MICU2: variants seen among roughly 807,000 people sequenced by gnomAD.
MICU2 encodes the protein calcium uptake protein 2, mitochondrial.
A neutral mutation model predicts 60.4 loss-of-function variants in MICU2; 64 were observed. That is an observed-to-expected ratio of 1.06 (90% CI 0.87 to 1.31). The LOEUF (loss-of-function observed/expected upper bound fraction) is 1.31, where lower values mean the gene tolerates loss of function less well. Among genes scored for constraint, MICU2 ranks in the 50% most tolerant of loss-of-function variants. MICU2 has a pLI of 0.00. For missense variants in MICU2, 569 were observed against 531.0 expected, an observed-to-expected ratio of 1.07 and a Z score of -0.70; for synonymous variants, 201 against 175.0, an observed-to-expected ratio of 1.15 and a Z score of -1.17.
Position 21,554,706 on chromosome 13 carries a change from A to G in MICU2, c.358+12091T>C, listed in dbSNP as rs144328070. ...AACTGAAGGAAATAGAGATACAAAA[A>G]ATCCTTCAAAAAAATCAATGAATCC... On this transcript the variant is annotated intron_variant, in intron 2 of 11. Transcript: ENST00000382374. 2.0e-3 allele frequency among the ~76,000 whole-genome samples: 302 copies of G among 152,360 alleles called. 8 individuals carry two copies. In the East Asian group the frequency reaches 0.055, roughly 28 times the overall value.
chr13:21,583,317 A>G (rs929400075), intron 1 of MICU2, among the ~76,000 whole-genome samples: 2 of 152,226 alleles, frequency 1.3e-5, no homozygotes, highest in Admixed American at 6.5e-5. Flanking sequence ...AATCACTGAT[A>G]AAAAGTGATC....
intron 2 of MICU2, among the ~76,000 whole-genome samples, chr13:21,544,208 A>AC (rs558695037): frequency 1.5e-3 from 226 of 152,300 alleles, no homozygotes; most frequent in African/African-American, 5.2e-3. Context: ...CTACAAAACC[A>AC]CTTTAAGAAA....
rs766932445 is a variant in MICU2, at chr13:21,604,086, C to T, written c.63G>A (p.Gly21=). 9 of 1,596,050 alleles carry T rather than the reference C, an allele frequency of 5.6e-6. No homozygotes were observed. Among genetic ancestry groups the T allele is most frequent in the Admixed American group, 3.4e-5 (2 of 58,650 alleles). ...VAAWGGKLRR[G]LAVSRQAVRS... The stretch of plus-strand genomic sequence containing the variant: ...GCACAGCCTGTCGGCTGACAGCGAG[C>T]CCCCGTCGCAGTTTTCCGCCCCAGG... Residue 21 remains glycine (G), a synonymous_variant, in exon 1 of 12, where the codon GGG becomes GGA. Coordinates refer to ENST00000382374, the MANE Select transcript of MICU2 (RefSeq NM_152726.3).
intron 4 of MICU2, among the ~76,000 whole-genome samples, chr13:21,526,841 AG>A (rs1403666437): frequency 2.6e-5 from 4 of 152,052 alleles, no homozygotes; most frequent in African/African-American, 9.7e-5. Context: ...TAGTTCGGAC[AG>A]GAAGAATAAA....
Position 21,495,224 on chromosome 13 carries a change from A to T in MICU2, c.1137T>A (p.Asp379Glu), listed in dbSNP as rs537437219. 7.4e-6 allele frequency: 12 copies of T among 1,613,504 alleles called. No homozygotes were observed. The highest frequency in any genetic ancestry group is 1.0e-5 in the Non-Finnish European group (12 of 1,179,790). ...GAAACTCTTCATGACTAAGACATTC[A>T]TCACCATCCAAATCAAAGATCTTAA... ...TVFKIFDLDG[D>E]ECLSHEEFLG... The change falls in exon 11 of 12, where the codon GAT becomes GAA. Residue 379 changes from aspartate to glutamate, a missense_variant. By Grantham distance (45) the Asp-to-Glu change is conservative (BLOSUM62 2). Transcript: ENST00000382374.
In MICU2 at chr13:21,603,954, A is replaced by AC; in HGVS notation, c.194_195insG (p.Phe65LeufsTer10). 1 of 1,612,564 alleles carries AC rather than the reference A, an allele frequency of 6.2e-7. No individual in the cohort carries two copies. The highest frequency in any genetic ancestry group is 8.5e-7 in the Non-Finnish European group (1 of 1,179,644). ...AGTCCTGTACCTGTGCGGAGACTGTAAAACTGCCATCCCGCGCCGCAACAC... is the reference window on the plus strand; with the variant it reads ...AGTCCTGTACCTGTGCGGAGACTGTACAAACTGCCATCCCGCGCCGCAACAC... On this transcript the variant is annotated frameshift_variant, in exon 1 of 12. Transcript: ENST00000382374. LOFTEE classifies it high-confidence loss of function.
At chr13:21,571,631 G>A (rs1888112141) in intron 1 of MICU2, among the ~76,000 whole-genome samples, 1 of 152,226 alleles carries the variant, frequency 6.6e-6, no homozygotes, top group South Asian at 2.1e-4. Context: ...CCAGGAGGTG[G>A]AGCTTGCAGT....
At chr13:21,564,973 T>TA (rs1195996625) in intron 2 of MICU2, among the ~76,000 whole-genome samples, 1 of 152,184 alleles carries the variant, frequency 6.6e-6, no homozygotes, top group Non-Finnish European at 1.5e-5. Context: ...GGTGGGTTCT[T>TA]AGAGGTTTCT....
intron 1 of MICU2, among the ~76,000 whole-genome samples, chr13:21,567,303 G>A (rs1399482881): frequency 6.6e-6 from 1 of 152,182 alleles, no homozygotes; most frequent in African/African-American, 2.4e-5. Context: ...GTAACACTTA[G>A]AGAGATTAAA....
Position 21,535,933 on chromosome 13 carries a change from C to T in MICU2, c.466+3369G>A, listed in dbSNP as rs190870832. On this transcript the variant is annotated intron_variant, in intron 4 of 11. Coordinates refer to ENST00000382374, the MANE Select transcript of MICU2 (RefSeq NM_152726.3). ...GATGAAAGAGATTAAGTAATTTCCCCGGGTCATAAAACTAGGAAAAATTTG... is the reference window on the plus strand; with the variant it reads ...GATGAAAGAGATTAAGTAATTTCCCTGGGTCATAAAACTAGGAAAAATTTG... Among the ~76,000 whole-genome samples, 554 of 152,184 alleles carry T rather than the reference C, an allele frequency of 3.6e-3. 3 individuals carry two copies. Among genetic ancestry groups the T allele is most frequent in the African/African-American group, 0.012 (512 of 41,522 alleles).
intron 1 of MICU2, among the ~76,000 whole-genome samples, chr13:21,579,988 G>T (rs1235965066): frequency 6.6e-6 from 1 of 152,150 alleles, no homozygotes; most frequent in African/African-American, 2.4e-5. Context: ...CATAACTAAA[G>T]TAAAACTACT....
intron 6 of MICU2, among the ~76,000 whole-genome samples, chr13:21,519,638 G>C (rs558208197): frequency 1.3e-5 from 2 of 152,260 alleles, no homozygotes; most frequent in South Asian, 4.1e-4. Flanking sequence ...CCCCTATGAG[G>C]ATGTTCCCCA....
intron 11 of MICU2, among the ~76,000 whole-genome samples, chr13:21,494,775 G>A (rs1268101403): frequency 1.3e-5 from 2 of 151,970 alleles, no homozygotes; most frequent in African/African-American, 4.8e-5. Context: ...TGATCCACCC[G>A]GCTCGGCCTC....
At chr13:21,497,189 A>G (rs1886021079) in intron 9 of MICU2, among the ~76,000 whole-genome samples, 1 of 149,910 alleles carries the variant, frequency 6.7e-6, no homozygotes, top group South Asian at 2.1e-4. Context: ...TCTGGTCAAC[A>G]TGGTGAAAAA....
chr13:21,502,111 GTTTTC>G (rs1266073177), intron 9 of MICU2, among the ~76,000 whole-genome samples: 2 of 151,570 alleles, frequency 1.3e-5, no homozygotes, highest in Non-Finnish European at 2.9e-5. Context: ...AATTAGATAA[GTTTTC>G]TTTTTATATC....
Position 21,495,161 on chromosome 13 carries a change from C to T in MICU2, c.1200G>A (p.Trp400Ter), listed in dbSNP as rs774154577. 1.3e-6 allele frequency: 2 copies of T among 1,595,522 alleles called. No individual in the cohort carries two copies. The highest frequency in any genetic ancestry group is 1.7e-6 in the Non-Finnish European group (2 of 1,173,072). The change falls in exon 11 of 12, where the codon TGG (tryptophan) becomes TGA (stop). Residue 400 changes from tryptophan (W) to a stop codon, truncating the protein, a stop_gained and splice_region_variant. Transcript: ENST00000382374. LOFTEE classifies it high-confidence loss of function. ...GTATTATATAAAAAAAATCTGTTAC[C>T]CATAAACCTCGATGCATTCTGTTTT... ...VLKNRMHRGLWVPQHQSIQEY... is the reference protein window; with the variant it reads ...VLKNRMHRGL
chr13:21,546,256 T>TGGTCTTCA (rs1887415678), intron 2 of MICU2, among the ~76,000 whole-genome samples: 1 of 151,838 alleles, frequency 6.6e-6, no homozygotes, highest in Admixed American at 6.6e-5. Context: ...TTCCAAAGTA[T>TGGTCTTCA]GGTCTTCAAA....
chr13:21,562,179 C>T (rs537464859), intron 2 of MICU2, among the ~76,000 whole-genome samples: 1 of 152,126 alleles, frequency 6.6e-6, no homozygotes. Context: ...CATACATGTG[C>T]ATGTGTCTTT....
chr13:21,539,801 A>G, intron 2 of MICU2, 113 bp from the exon 3 acceptor site: 1 of 975,716 alleles, frequency 1.0e-6, no homozygotes, highest in South Asian at 1.6e-5. Flanking sequence ...ATTTATTTAA[A>G]AAGCAAAGGC....
Sources: gnomAD v4.1 joint callset for allele counts (sites outside exome capture counted in the v4.1 genomes callset) on GRCh38, gnomAD v4.1.1 for gene constraint, MANE v1.5 for transcripts, NCBI Gene and HGNC (gene_info 2026-07-23, HGNC 2026-07-21) for gene names.